PAG1: variants seen among roughly 807,000 people sequenced by gnomAD.
PAG1 encodes the protein phosphoprotein associated with glycosphingolipid-enriched microdomains 1.
A neutral mutation model predicts 31.7 loss-of-function variants in PAG1; 23 were observed. The observed-to-expected ratio is 0.73, with a 90% confidence interval of 0.52 to 1.03. The LOEUF (loss-of-function observed/expected upper bound fraction) is 1.03, where lower values mean the gene tolerates loss of function less well. Ranked by LOEUF, PAG1 falls within the 50% of genes least tolerant of loss-of-function variation. The probability of loss-of-function intolerance (pLI) is 0.00; values close to 1 mark genes in which losing one functional copy is unlikely to be tolerated. For missense variants in PAG1, 473 were observed against 540.7 expected (o/e 0.87, Z 1.24); for synonymous variants, 214 against 210.3 (o/e 1.02, Z -0.15).
rs553880242 is a variant in PAG1, at chr8:81,046,120, T to C, written c.-174-16031A>G. On this transcript the variant is annotated intron_variant, in intron 2 of 8. Coordinates refer to ENST00000220597, the MANE Select transcript of PAG1 (RefSeq NM_018440.4). ...GGTTCCAAAGCCCTCATTTTACAGA[T>C]GATAAAATGACAGCCAAGAAGAGAA... Among the ~76,000 whole-genome samples the C allele has an allele frequency of 2.6e-5, 4 of 152,324 alleles. No homozygotes were observed. In the South Asian group the frequency reaches 8.3e-4, roughly 32 times the overall value.
At chr8:81,054,937 T>C (rs1393265074) in intron 2 of PAG1, among the ~76,000 whole-genome samples, 1 of 152,140 alleles carries the variant, frequency 6.6e-6, no homozygotes, top group South Asian at 2.1e-4. Flanking sequence ...CTGCCCTTGG[T>C]GGGTAGAAAG....
intron 3 of PAG1, among the ~76,000 whole-genome samples, chr8:81,024,699 T>G (rs774682842): frequency 3.3e-5 from 5 of 152,218 alleles, no homozygotes; most frequent in Admixed American, 6.5e-5. Flanking sequence ...GGAAAATGTT[T>G]GTTTTTAGTT....
Position 81,091,140 on chromosome 8 carries a change from C to T in PAG1, c.-234+20451G>A, listed in dbSNP as rs190937606. 8.5e-5 allele frequency among the ~76,000 whole-genome samples: 13 copies of T among 152,250 alleles called. No homozygotes were observed. In the East Asian group the frequency reaches 2.1e-3, roughly 25 times the overall value. The stretch of plus-strand genomic sequence containing the variant: ...ATACAGACCTTGAAGGAAGAGGCAT[C>T]AAGAGTGATTTCCTGTTTTATTGGC... On this transcript the variant is annotated intron_variant, in intron 1 of 8. Coordinates refer to ENST00000220597, the MANE Select transcript of PAG1 (RefSeq NM_018440.4).
intron 7 of PAG1, among the ~76,000 whole-genome samples, chr8:80,981,862 C>CTT (rs57438015): frequency 0.014 from 1,473 of 103,302 alleles, 132 homozygotes; most frequent in African/African-American, 0.063. Flanking sequence ...ATCTCACTTC[C>CTT]TTTTTTTTTT....
At chr8:81,102,399 T>G (rs1418375061) in intron 1 of PAG1, among the ~76,000 whole-genome samples, 1 of 152,152 alleles carries the variant, frequency 6.6e-6, no homozygotes, top group African/African-American at 2.4e-5. Flanking sequence ...CACAAAGGCA[T>G]AAGCCCCTTT....
chr8:81,071,445 C>T (rs1478516723), intron 1 of PAG1, among the ~76,000 whole-genome samples: 1 of 152,216 alleles, frequency 6.6e-6, no homozygotes, highest in African/African-American at 2.4e-5. Context: ...GGCTACTAAG[C>T]ATTATGGCTC....
chr8:81,109,694 T>C (rs1809745024), intron 1 of PAG1, among the ~76,000 whole-genome samples: 1 of 152,254 alleles, frequency 6.6e-6, no homozygotes, highest in South Asian at 2.1e-4. Context: ...ACAAGCTTAA[T>C]ATGCCAGATA....
chr8:81,027,939 A>T (rs1463931556), intron 3 of PAG1, among the ~76,000 whole-genome samples: 1 of 150,876 alleles, frequency 6.6e-6, no homozygotes, highest in Admixed American at 6.6e-5. Context: ...AATATAGGCC[A>T]AGATTGGGCA....
chr8:81,102,112 A>T (rs1054455055), intron 1 of PAG1, among the ~76,000 whole-genome samples: 5 of 152,118 alleles, frequency 3.3e-5, no homozygotes, highest in Admixed American at 3.3e-4. Flanking sequence ...ATTAATCTTC[A>T]TTTTACCTCA....
chr8:81,046,913 C>A (rs1808651761), intron 2 of PAG1, among the ~76,000 whole-genome samples: 1 of 152,088 alleles, frequency 6.6e-6, no homozygotes. Context: ...TCTTATTATT[C>A]AGCTCACACT....
rs768707299 is a variant in PAG1, at chr8:80,993,273, T to C, written c.-46A>G. On this transcript the variant is annotated 5_prime_UTR_variant, in exon 4 of 9. Coordinates refer to ENST00000220597, the MANE Select transcript of PAG1 (RefSeq NM_018440.4). ...CCAGCCGAGGGAATCAGTCAGTCCT[T>C]CAAAGGTGGTGACATGGAGGCAGAG... 6 of 1,561,154 alleles carry C rather than the reference T, an allele frequency of 3.8e-6. No individual in the cohort carries two copies. The Admixed American group carries it at 8.7e-5, about 23-fold the overall frequency.
intron 1 of PAG1, among the ~76,000 whole-genome samples, chr8:81,090,513 C>T (rs557535974): frequency 6.6e-6 from 1 of 152,342 alleles, no homozygotes; most frequent in South Asian, 2.1e-4. Context: ...TCAAGAAGCT[C>T]ATAGTCCAGT....
chr8:81,107,562 C>T (rs1296275614), intron 1 of PAG1, among the ~76,000 whole-genome samples: 2 of 152,156 alleles, frequency 1.3e-5, no homozygotes, highest in Non-Finnish European at 2.9e-5. Context: ...TCAGTTGTCA[C>T]TTCCACAAAA....
At chr8:80,992,586 C>CT (rs1807574599) in intron 4 of PAG1, among the ~76,000 whole-genome samples, 1 of 152,186 alleles carries the variant, frequency 6.6e-6, no homozygotes, top group African/African-American at 2.4e-5. Context: ...AAGTATAACT[C>CT]TAAAAAAAGG....
At chr8:81,057,681 G>A (rs1370710160) in intron 2 of PAG1, among the ~76,000 whole-genome samples, 7 of 152,096 alleles carry the variant, frequency 4.6e-5, no homozygotes, top group African/African-American at 7.2e-5. Flanking sequence ...AAACCTGCAC[G>A]TTGTGCACAT....
At chr8:81,073,838 C>T (rs764982196) in intron 1 of PAG1, among the ~76,000 whole-genome samples, 17 of 152,032 alleles carry the variant, frequency 1.1e-4, no homozygotes, top group Admixed American at 7.9e-4. Flanking sequence ...GGGGAGTGGG[C>T]GCTGCTTTGA....
Position 81,107,414 on chromosome 8 carries a change from T to C in PAG1, c.-234+4177A>G, listed in dbSNP as rs553796830. Among the ~76,000 whole-genome samples the C allele has an allele frequency of 8.5e-5, 13 of 152,302 alleles. No individual in the cohort carries two copies. In the South Asian group the frequency reaches 2.5e-3, roughly 29 times the overall value. On this transcript the variant is annotated intron_variant, in intron 1 of 8. Coordinates refer to ENST00000220597, the MANE Select transcript of PAG1 (RefSeq NM_018440.4). ...ATAAATCCATGCAATAGAGTTTAGC[T>C]ATCACAAAGGCTCAAAAATCAGTGG...
At chr8:81,046,750 G>A (rs1411874095) in intron 2 of PAG1, among the ~76,000 whole-genome samples, 4 of 151,992 alleles carry the variant, frequency 2.6e-5, no homozygotes, top group South Asian at 2.1e-4. Context: ...ACAGGTAAAC[G>A]TGTGCCATGG....
intron 2 of PAG1, among the ~76,000 whole-genome samples, chr8:81,042,457 GATAAA>G (rs1433962637): frequency 6.6e-6 from 1 of 152,026 alleles, no homozygotes; most frequent in Non-Finnish European, 1.5e-5. Context: ...CTTTTTTTCT[GATAAA>G]ATAAGTAGGC....
Sources: allele counts gnomAD v4.1 joint callset (sites outside exome capture counted in the v4.1 genomes callset), GRCh38; gene constraint gnomAD v4.1.1; transcripts MANE v1.5; gene names NCBI Gene and HGNC (gene_info 2026-07-23, HGNC 2026-07-21).